Variants in GPC5 observed in about 807,000 individuals in gnomAD.
GPC5 encodes the protein glypican-5.
GPC5 carries 47 observed loss-of-function variants against 53.9 expected under a neutral mutation model. The observed-to-expected ratio is 0.87, with a 90% CI of 0.69 to 1.11. GPC5 has a LOEUF of 1.11. GPC5 is among the 50% of genes most tolerant of loss of function. The pLI is 0.00. For synonymous variants in GPC5, 286 were observed against 263.3 expected, an observed-to-expected ratio of 1.09 and a Z score of -0.84; for missense variants, 748 against 713.1, an observed-to-expected ratio of 1.05 and a Z score of -0.56.
intron 6 of GPC5, among the ~76,000 whole-genome samples, chr13:92,082,464 T>G (rs901187660): frequency 6.6e-6 from 1 of 152,282 alleles, no homozygotes; most frequent in East Asian, 1.9e-4. Context: ...CTGTAAGTAT[T>G]AAAGTTGAGG....
At chr13:91,534,069 T>C (rs1886470898) in intron 2 of GPC5, among the ~76,000 whole-genome samples, 1 of 152,214 alleles carries the variant, frequency 6.6e-6, no homozygotes, top group Non-Finnish European at 1.5e-5. Flanking sequence ...TGAGAAGACA[T>C]AGTGGCTTTG....
rs545224114 is a variant in GPC5 at position 92,833,400 on chromosome 13, C to T, written c.1562-32882C>T. Among the ~76,000 whole-genome samples, 9 of 152,232 alleles carry T rather than the reference C, an allele frequency of 5.9e-5. No individual in the cohort carries two copies. The South Asian group carries it at 1.9e-3, about 32-fold the overall frequency. On this transcript the variant is annotated intron_variant, in intron 7 of 7. Transcript: ENST00000377067. ...TAGATAGAGTCAAAGTGTTGTCATCCAAATACCTAGTTCTCTGACAATCTG... is the reference window on the plus strand; with the variant it reads ...TAGATAGAGTCAAAGTGTTGTCATCTAAATACCTAGTTCTCTGACAATCTG...
At chr13:91,922,522 T>A (rs1286699242) in intron 6 of GPC5, among the ~76,000 whole-genome samples, 1 of 152,162 alleles carries the variant, frequency 6.6e-6, no homozygotes, top group African/African-American at 2.4e-5. Context: ...TAAAAGAAAA[T>A]TATTACGTTG....
intron 6 of GPC5, among the ~76,000 whole-genome samples, chr13:92,005,861 A>G (rs963017476): frequency 9.9e-5 from 15 of 152,216 alleles, no homozygotes; most frequent in African/African-American, 3.6e-4. Context: ...ATTGGGAAAG[A>G]AGATATTTAT....
At chr13:91,769,091 A>G (rs1003232065) in intron 5 of GPC5, among the ~76,000 whole-genome samples, 3 of 152,212 alleles carry the variant, frequency 2.0e-5, no homozygotes, top group African/African-American at 7.2e-5. Flanking sequence ...GGTAAGTCCA[A>G]AATCTACAGG....
At chr13:92,482,733 G>A (rs935446158) in intron 7 of GPC5, among the ~76,000 whole-genome samples, 2 of 152,126 alleles carry the variant, frequency 1.3e-5, no homozygotes, top group Non-Finnish European at 2.9e-5. Context: ...AACTGGAACT[G>A]TTGAGTGGGT....
chr13:91,501,239 TG>T (rs377551991), intron 2 of GPC5, among the ~76,000 whole-genome samples: 18 of 147,890 alleles, frequency 1.2e-4, no homozygotes, highest in Non-Finnish European at 1.6e-4. Flanking sequence ...CTTAAGACTT[TG>T]TTTTTTTTTT....
chr13:92,462,243 G>T (rs745457055), intron 7 of GPC5, among the ~76,000 whole-genome samples: 1 of 152,142 alleles, frequency 6.6e-6, no homozygotes, highest in African/African-American at 2.4e-5. Flanking sequence ...TACAGGGTTC[G>T]AGGTGGAAGC....
intron 2 of GPC5, among the ~76,000 whole-genome samples, chr13:91,621,822 A>C (rs1408166474): frequency 7.0e-6 from 1 of 143,418 alleles, no homozygotes; most frequent in African/African-American, 2.7e-5. Context: ...GAATTGACTG[A>C]CACGATCTCA....
chr13:91,793,395 G>A (rs2037999462), intron 5 of GPC5, among the ~76,000 whole-genome samples: 1 of 152,014 alleles, frequency 6.6e-6, no homozygotes, highest in South Asian at 2.1e-4. Context: ...TTTGGGTGGG[G>A]GCACAGCCAA....
intron 7 of GPC5, among the ~76,000 whole-genome samples, chr13:92,721,845 AG>A (rs1257734836): frequency 6.6e-6 from 1 of 151,994 alleles, no homozygotes; most frequent in Non-Finnish European, 1.5e-5. Context: ...TAATGAGGCA[AG>A]GAAAAAACCT....
intron 2 of GPC5, among the ~76,000 whole-genome samples, chr13:91,639,492 A>C (rs1451846968): frequency 6.6e-6 from 1 of 152,220 alleles, no homozygotes; most frequent in Admixed American, 6.5e-5. Context: ...TCATGCATTT[A>C]TCGTAATTGA....
At chr13:92,033,832 T>G (rs1460457638) in intron 6 of GPC5, among the ~76,000 whole-genome samples, 1 of 152,180 alleles carries the variant, frequency 6.6e-6, no homozygotes, top group African/African-American at 2.4e-5. Context: ...ACTAGACTGG[T>G]AGAAATCCCA....
At chr13:92,206,212 C>G (rs1324075630) in intron 7 of GPC5, among the ~76,000 whole-genome samples, 2 of 140,278 alleles carry the variant, frequency 1.4e-5, no homozygotes, top group East Asian at 4.3e-4. Context: ...GTCGCCCAGG[C>G]TGGAGTGTAG....
At chr13:92,667,356 A>G (rs1475304123) in intron 7 of GPC5, among the ~76,000 whole-genome samples, 2 of 152,146 alleles carry the variant, frequency 1.3e-5, no homozygotes, top group African/African-American at 4.8e-5. Flanking sequence ...AACAATGGAA[A>G]AGAGGCCACA....
intron 5 of GPC5, among the ~76,000 whole-genome samples, chr13:91,786,699 G>A (rs991100284): frequency 5.3e-5 from 8 of 151,854 alleles, no homozygotes; most frequent in African/African-American, 1.9e-4. Flanking sequence ...TAATATTTAT[G>A]TCAAGAATCC....
At chr13:91,917,478 C>T in intron 6 of GPC5, among the ~76,000 whole-genome samples, 1 of 152,184 alleles carries the variant, frequency 6.6e-6, no homozygotes, top group East Asian at 1.9e-4. Context: ...GTGGATCTAC[C>T]ATTCTGGAGG....
At chr13:92,550,814 A>T (rs1015333362) in intron 7 of GPC5, among the ~76,000 whole-genome samples, 3 of 151,950 alleles carry the variant, frequency 2.0e-5, no homozygotes, top group Non-Finnish European at 4.4e-5. Context: ...CATAATTATT[A>T]TCCTGATAAT....
chr13:92,706,514 C>T (rs1887957238), intron 7 of GPC5, among the ~76,000 whole-genome samples: 1 of 151,984 alleles, frequency 6.6e-6, no homozygotes, highest in Non-Finnish European at 1.5e-5. Context: ...AGTATAGAGC[C>T]AGCTCCCACA....
Sources: allele counts gnomAD v4.1 joint callset (sites outside exome capture counted in the v4.1 genomes callset), GRCh38; gene constraint gnomAD v4.1.1; transcripts MANE v1.5; gene names NCBI Gene and HGNC (gene_info 2026-07-23, HGNC 2026-07-21).